The following LHFPL3 variants were observed in gnomAD, a reference collection of about 807,000 sequenced individuals.
The protein encoded by LHFPL3 is LHFPL tetraspan subfamily member 3 protein.
In LHFPL3, 5 loss-of-function variants were observed where a neutral mutation model predicts 19.3. The observed-to-expected ratio is 0.26, with a 90% confidence interval of 0.14 to 0.54. The LOEUF (loss-of-function observed/expected upper bound fraction) is 0.54, where lower values mean the gene tolerates loss of function less well. LHFPL3 is among the 20% of genes least tolerant of loss of function. The pLI, the probability that LHFPL3 is intolerant of heterozygous loss-of-function variation, is 0.94. For synonymous variants in LHFPL3, 133 were observed against 126.2 expected (o/e 1.05, Z -0.36); for missense variants, 249 against 307.4 (o/e 0.81, Z 1.42).
In LHFPL3 at chr7:104,329,925, G is replaced by T. The variant is rs111544723; in HGVS notation, c.445+701G>T. Among the ~76,000 whole-genome samples, 1,359 of 152,280 alleles carry T rather than the reference G, an allele frequency of 8.9e-3. 17 individuals are homozygous for T. The highest frequency in any genetic ancestry group is 0.031 in the African/African-American group (1,289 of 41,532). ...CCTTCCATTTCATCTTTAAACAGAAGTCTTTAGTAAATCAAGATTCCTCAA... is the reference window on the plus strand; with the variant it reads ...CCTTCCATTTCATCTTTAAACAGAATTCTTTAGTAAATCAAGATTCCTCAA... On this transcript the variant is annotated intron_variant, in intron 1 of 2. Transcript: ENST00000424859.
chr7:104,867,426 A>G (rs1791748646), intron 2 of LHFPL3, among the ~76,000 whole-genome samples: 1 of 152,344 alleles, frequency 6.6e-6, no homozygotes, highest in Non-Finnish European at 1.5e-5. Context: ...AATACAAACT[A>G]CCATCAGAGA....
At chr7:104,712,997 G>C (rs1793323510) in intron 1 of LHFPL3, among the ~76,000 whole-genome samples, 1 of 152,162 alleles carries the variant, frequency 6.6e-6, no homozygotes, top group South Asian at 2.1e-4. Flanking sequence ...ATTGGGCATG[G>C]GAAATGTATG....
intron 1 of LHFPL3, among the ~76,000 whole-genome samples, chr7:104,532,318 CT>C (rs71155504): frequency 0.03 from 2,588 of 87,186 alleles, 40 homozygotes; most frequent in African/African-American, 0.1. Flanking sequence ...TTCTTTCTGT[CT>C]TTTTTTTTTT....
chr7:104,726,891 C>T (rs887920428), intron 1 of LHFPL3, among the ~76,000 whole-genome samples: 1 of 152,094 alleles, frequency 6.6e-6, no homozygotes. Context: ...GGTTCTAGAT[C>T]CTTGAGGAAT....
chr7:104,452,064 T>C (rs957134588), intron 1 of LHFPL3, among the ~76,000 whole-genome samples: 9 of 152,088 alleles, frequency 5.9e-5, no homozygotes, highest in African/African-American at 2.2e-4. Flanking sequence ...TCAAATAATA[T>C]GGTCAAGTTC....
At chr7:104,631,623 T>C (rs1403139507) in intron 1 of LHFPL3, among the ~76,000 whole-genome samples, 2 of 152,148 alleles carry the variant, frequency 1.3e-5, no homozygotes, top group East Asian at 3.9e-4. Context: ...ACTGGTGGGG[T>C]TCAGAACAAG....
rs202207362 is a variant in LHFPL3 at position 104,464,828 on chromosome 7, GC to G, written c.445+135607del. ...GGGCTGCTGTGAAGATCTCTGACTT[GC>G]CCTGGAGACATTTTCCTCATTGTCT... On this transcript the variant is annotated intron_variant, in intron 1 of 2. Coordinates refer to ENST00000424859, the MANE Select transcript of LHFPL3 (RefSeq NM_199000.3). Among the ~76,000 whole-genome samples the G allele has an allele frequency of 8.9e-3, 1,353 of 152,122 alleles. 73 individuals carry two copies. The highest frequency in any genetic ancestry group is 0.083 in the Admixed American group (1,272 of 15,280).
intron 1 of LHFPL3, among the ~76,000 whole-genome samples, chr7:104,538,730 G>A (rs1794433397): frequency 6.6e-6 from 1 of 152,166 alleles, no homozygotes; most frequent in African/African-American, 2.4e-5. Context: ...GGTATGGTGG[G>A]CAGAATAATA....
chr7:104,563,976 A>T (rs1790070337), intron 1 of LHFPL3, among the ~76,000 whole-genome samples: 1 of 152,232 alleles, frequency 6.6e-6, no homozygotes, highest in Non-Finnish European at 1.5e-5. Flanking sequence ...AATACCTAAT[A>T]ACAATAGTAA....
chr7:104,702,994 T>C (rs1297364942), intron 1 of LHFPL3, among the ~76,000 whole-genome samples: 1 of 152,238 alleles, frequency 6.6e-6, no homozygotes, highest in African/African-American at 2.4e-5. Context: ...TTTTCTGATA[T>C]TGTCAACTTA....
intron 1 of LHFPL3, among the ~76,000 whole-genome samples, chr7:104,693,195 C>T (rs767217747): frequency 3.9e-5 from 6 of 152,182 alleles, no homozygotes; most frequent in Non-Finnish European, 7.3e-5. Context: ...TTATCCAATG[C>T]CTGTACCCCC....
chr7:104,534,985 G>C (rs1413678743), intron 1 of LHFPL3, among the ~76,000 whole-genome samples: 1 of 152,096 alleles, frequency 6.6e-6, no homozygotes, highest in Non-Finnish European at 1.5e-5. Context: ...CACAGAACTG[G>C]GCATAAAATA....
chr7:104,754,908 A>G (rs1454536103), intron 2 of LHFPL3, among the ~76,000 whole-genome samples: 1 of 152,166 alleles, frequency 6.6e-6, no homozygotes. Flanking sequence ...GTGCTACAGA[A>G]GTTCTCACTT....
chr7:104,415,323 G>C (rs1320790894), intron 1 of LHFPL3, among the ~76,000 whole-genome samples: 1 of 152,168 alleles, frequency 6.6e-6, no homozygotes, highest in African/African-American at 2.4e-5. Flanking sequence ...TACTGTGAAT[G>C]ATGCCTACTG....
chr7:104,382,643 T>C (rs1287048247), intron 1 of LHFPL3, among the ~76,000 whole-genome samples: 1 of 152,206 alleles, frequency 6.6e-6, no homozygotes, highest in African/African-American at 2.4e-5. Context: ...CTGACCTAGA[T>C]CTTTACAGAC....
chr7:104,698,893 T>A (rs1194704903), intron 1 of LHFPL3, among the ~76,000 whole-genome samples: 1 of 152,234 alleles, frequency 6.6e-6, no homozygotes, highest in Non-Finnish European at 1.5e-5. Flanking sequence ...CTTTAATAGA[T>A]ATTTCTCCAA....
At chr7:104,898,006 C>CTATTT (rs1792400948) in intron 2 of LHFPL3, among the ~76,000 whole-genome samples, 1 of 96,806 alleles carries the variant, frequency 1.0e-5, no homozygotes, top group Admixed American at 1.3e-4. Context: ...AATGTCACCC[C>CTATTT]TTTTTTTTTT....
intron 1 of LHFPL3, among the ~76,000 whole-genome samples, chr7:104,463,342 A>G (rs1345398608): frequency 1.3e-5 from 2 of 152,094 alleles, no homozygotes; most frequent in African/African-American, 4.8e-5. Context: ...ATTAATTTGA[A>G]ATCTTTCTAA....
intron 1 of LHFPL3, among the ~76,000 whole-genome samples, chr7:104,382,902 T>G (rs1317982903): frequency 2.0e-5 from 3 of 152,350 alleles, no homozygotes; most frequent in African/African-American, 7.2e-5. Flanking sequence ...ATCTGCAAAA[T>G]AATCAAAATG....
Sources: gnomAD v4.1 joint callset for allele counts (sites outside exome capture counted in the v4.1 genomes callset) on GRCh38, gnomAD v4.1.1 for gene constraint, MANE v1.5 for transcripts, NCBI Gene and HGNC (gene_info 2026-07-23, HGNC 2026-07-21) for gene names.